Variants in GNAQ observed in about 807,000 individuals in gnomAD.
The protein encoded by GNAQ is G protein subunit alpha q, also known as guanine nucleotide-binding protein G(q) subunit alpha.
A neutral mutation model predicts 43.9 loss-of-function variants in GNAQ; 8 were observed. That is an observed-to-expected ratio of 0.18 (90% CI 0.11 to 0.33). The LOEUF is 0.33. Ranked by LOEUF, GNAQ falls within the 10% of genes least tolerant of loss-of-function variation. GNAQ has a pLI of 1.00. For missense variants in GNAQ, 158 were observed against 450.8 expected (o/e 0.35, Z 5.88); for synonymous variants, 155 against 170.7 (o/e 0.91, Z 0.71).
chr9:77,818,498 T>C (rs1291255147), intron 2 of GNAQ, among the ~76,000 whole-genome samples: 4 of 151,644 alleles, frequency 2.6e-5, no homozygotes, highest in Admixed American at 2.0e-4. Context: ...TCTAGTATGT[T>C]AGAGTAGGAA....
intron 1 of GNAQ, among the ~76,000 whole-genome samples, chr9:77,985,243 G>T (rs1823420763): frequency 6.6e-6 from 1 of 152,184 alleles, no homozygotes; most frequent in Non-Finnish European, 1.5e-5. Flanking sequence ...AACCCAGGAG[G>T]CGGAGCTTGC....
intron 1 of GNAQ, among the ~76,000 whole-genome samples, chr9:77,948,553 C>T (rs1822933861): frequency 1.3e-5 from 2 of 152,164 alleles, no homozygotes; most frequent in South Asian, 2.1e-4. Context: ...GCCAGGAGGG[C>T]AGCCTAGGCC....
intron 5 of GNAQ, among the ~76,000 whole-genome samples, chr9:77,784,111 T>G (rs769639661): frequency 7.4e-5 from 9 of 121,566 alleles, no homozygotes; most frequent in Non-Finnish European, 1.2e-4. Context: ...GAAATTTTTG[T>G]TTTTTTTTCC....
chr9:77,803,627 G>A (rs1826781729), intron 3 of GNAQ, among the ~76,000 whole-genome samples: 2 of 152,206 alleles, frequency 1.3e-5, no homozygotes, highest in Admixed American at 6.5e-5. Flanking sequence ...GCTACAGATA[G>A]GAAGATTCAT....
intron 3 of GNAQ, among the ~76,000 whole-genome samples, chr9:77,805,724 A>G (rs914653974): frequency 6.6e-6 from 1 of 152,198 alleles, no homozygotes; most frequent in South Asian, 2.1e-4. Context: ...CTTTTAATAC[A>G]AAGTGGCAGG....
At chr9:78,010,478 T>C (rs886705883) in intron 1 of GNAQ, among the ~76,000 whole-genome samples, 2 of 152,170 alleles carry the variant, frequency 1.3e-5, no homozygotes, top group Non-Finnish European at 2.9e-5. Flanking sequence ...AAATTGGGGA[T>C]GTCACAGACG....
chr9:77,869,159 G>A (rs1827996584), intron 2 of GNAQ, among the ~76,000 whole-genome samples: 1 of 152,082 alleles, frequency 6.6e-6, no homozygotes, highest in African/African-American at 2.4e-5. Flanking sequence ...AACCATGTAA[G>A]TAATTATTCA....
intron 2 of GNAQ, among the ~76,000 whole-genome samples, chr9:77,905,267 T>G (rs1258193434): frequency 1.3e-5 from 2 of 152,206 alleles, no homozygotes; most frequent in African/African-American, 2.4e-5. Context: ...ATAGTAACAA[T>G]TCCTGTTTTT....
At chr9:77,934,404 T>C (rs534079633) in intron 1 of GNAQ, among the ~76,000 whole-genome samples, 2 of 152,310 alleles carry the variant, frequency 1.3e-5, no homozygotes, top group African/African-American at 4.8e-5. Flanking sequence ...TAGTCTTCTT[T>C]CAAGGTTAAT....
intron 5 of GNAQ, among the ~76,000 whole-genome samples, chr9:77,759,179 T>C (rs1825950504): frequency 6.6e-6 from 1 of 152,190 alleles, no homozygotes. Flanking sequence ...TTCCAAACCA[T>C]CCTGGCAAAT....
At position 77,944,634 on chromosome 9, in the gene GNAQ, C is replaced by T. The variant is rs113567170; in HGVS notation, c.137-22289G>A. Among the ~76,000 whole-genome samples the T allele has an allele frequency of 3.4e-3, 517 of 152,318 alleles. 2 individuals are homozygous for T. The highest frequency in any genetic ancestry group is 6.0e-3 in the Non-Finnish European group (410 of 68,034). ...CATTTCTTCCACTGAGGCATTGCTCCAACCTCTGCCACTCATTGTAACGCA... is the reference window on the plus strand; with the variant it reads ...CATTTCTTCCACTGAGGCATTGCTCTAACCTCTGCCACTCATTGTAACGCA... On this transcript the variant is annotated intron_variant, in intron 1 of 6. Transcript: ENST00000286548.
rs140270850 is a variant in GNAQ, at chr9:77,973,516, CAT to C, written c.137-51173_137-51172del. ...ATTCAAGTCAATTCTTTGAGGGAAACATAGAAATAGGAAGCAATGGCCGGGTG... is the reference window on the plus strand; with the variant it reads ...ATTCAAGTCAATTCTTTGAGGGAAACAGAAATAGGAAGCAATGGCCGGGTG... On this transcript the variant is annotated intron_variant, in intron 1 of 6. Coordinates refer to ENST00000286548, the MANE Select transcript of GNAQ (RefSeq NM_002072.5). Among the ~76,000 whole-genome samples the C allele has an allele frequency of 7.8e-3, 1,192 of 152,204 alleles. 13 individuals are homozygous for C. Among genetic ancestry groups the C allele is most frequent in the African/African-American group, 0.026 (1,077 of 41,524 alleles).
At chr9:77,953,118 G>A (rs997744724) in intron 1 of GNAQ, among the ~76,000 whole-genome samples, 3 of 152,202 alleles carry the variant, frequency 2.0e-5, no homozygotes, top group African/African-American at 7.2e-5. Context: ...CAATTTGGAC[G>A]TGGAGAAACA....
At chr9:77,998,797 C>A (rs567810554) in intron 1 of GNAQ, among the ~76,000 whole-genome samples, 71 of 152,052 alleles carry the variant, frequency 4.7e-4, no homozygotes, top group South Asian at 1.0e-3. Context: ...TGCAATAAGA[C>A]TTAAAAGGGC....
intron 3 of GNAQ, among the ~76,000 whole-genome samples, chr9:77,800,508 G>A (rs1826725813): frequency 6.6e-6 from 1 of 152,108 alleles, no homozygotes; most frequent in Non-Finnish European, 1.5e-5. Flanking sequence ...TCACTCATAG[G>A]TGGGAATTCA....
At chr9:77,838,462 T>C (rs140614621) in intron 2 of GNAQ, among the ~76,000 whole-genome samples, 2 of 151,920 alleles carry the variant, frequency 1.3e-5, no homozygotes, top group Non-Finnish European at 2.9e-5. Flanking sequence ...AAGTAAAACG[T>C]TGTTGCTCAC....
intron 5 of GNAQ, among the ~76,000 whole-genome samples, chr9:77,770,104 G>A (rs1316998941): frequency 6.6e-6 from 1 of 152,138 alleles, no homozygotes; most frequent in Non-Finnish European, 1.5e-5. Flanking sequence ...AGAAATTTCA[G>A]GTTTGAGAAT....
At chr9:77,867,767 T>C (rs547022682) in intron 2 of GNAQ, among the ~76,000 whole-genome samples, 2 of 152,268 alleles carry the variant, frequency 1.3e-5, no homozygotes, top group South Asian at 2.1e-4. Context: ...AGAAGTGAGG[T>C]TGCACACCAT....
Position 77,800,650 on chromosome 9 carries a change from ATG to A in GNAQ, c.477-3004_477-3003del, listed in dbSNP as rs1826729700. ...TGGGTGCAGCGCACCAGCATGGCAC[ATG>A]TATACATATGTAACTAACCTGCACA... On this transcript the variant is annotated intron_variant, in intron 3 of 6. Coordinates refer to ENST00000286548, the MANE Select transcript of GNAQ (RefSeq NM_002072.5). Among the ~76,000 whole-genome samples the A allele has an allele frequency of 1.3e-5, 2 of 152,212 alleles. 1 individual carries two copies. The highest frequency in any genetic ancestry group is 4.1e-4 in the South Asian group (2 of 4,828).
Sources: allele counts gnomAD v4.1 joint callset (sites outside exome capture counted in the v4.1 genomes callset), GRCh38; gene constraint gnomAD v4.1.1; transcripts MANE v1.5; gene names NCBI Gene and HGNC (gene_info 2026-07-23, HGNC 2026-07-21).